PDE11A: variants seen among roughly 807,000 people sequenced by gnomAD.
PDE11A encodes the protein phosphodiesterase 11A, also known as dual 3',5'-cyclic-AMP and -GMP phosphodiesterase 11A.
PDE11A carries 100 observed loss-of-function variants against 100.5 expected under a neutral mutation model. The ratio of observed to expected loss-of-function variants is 1.00; its 90% CI spans 0.85 to 1.18. The LOEUF (loss-of-function observed/expected upper bound fraction) is 1.18, where lower values mean the gene tolerates loss of function less well. Ranked by LOEUF, PDE11A falls within the 50% of genes most tolerant of loss-of-function variation. The pLI is 0.00. For synonymous variants in PDE11A, 381 were observed against 420.8 expected, an observed-to-expected ratio of 0.91 and a Z score of 1.16; for missense variants, 1,141 against 1,152.6, an observed-to-expected ratio of 0.99 and a Z score of 0.15.
At chr2:177,950,407 A>G (rs748874053) in intron 2 of PDE11A, among the ~76,000 whole-genome samples, 11 of 152,090 alleles carry the variant, frequency 7.2e-5, no homozygotes, top group Non-Finnish European at 1.3e-4. Context: ...ATCTCTGTCT[A>G]TGCTTTAGTC....
chr2:177,663,813 C>G (rs1318848544), intron 19 of PDE11A, 53 bp downstream of exon 19: 1 of 1,017,012 alleles, frequency 9.8e-7, no homozygotes, highest in African/African-American at 1.6e-5. Flanking sequence ...GAAATACACA[C>G]TTTTCCTTTT....
In PDE11A at chr2:177,728,313, GCTGTAAATGTCTTTTGTTTCTGAA is replaced by G. The variant is rs1164599846; in HGVS notation, c.1789-165_1789-142del. 1.5e-5 allele frequency: 8 copies of G among 551,610 alleles called. No homozygotes were observed. In the African/African-American group the frequency reaches 1.6e-4, roughly 11 times the overall value. 34.2% of individuals were successfully genotyped at this position (551,610 alleles called of 1,614,324 possible). On this transcript the variant is annotated intron_variant, in intron 10 of 19. Transcript: ENST00000286063. ...ACACCCTGATACAGCTAAACTCTGA[GCTGTAAATGTCTTTTGTTTCTGAA>G]CTGCAAATGCCCCAAGCAAATGAAG...
chr2:177,666,879 A>AG (rs2080595474), intron 18 of PDE11A, among the ~76,000 whole-genome samples: 1 of 151,230 alleles, frequency 6.6e-6, no homozygotes, highest in South Asian at 2.1e-4. Context: ...TTGATCCATG[A>AG]AAGTTTTTAA....
chr2:177,765,253 C>A (rs1429959692), intron 10 of PDE11A, among the ~76,000 whole-genome samples: 1 of 152,036 alleles, frequency 6.6e-6, no homozygotes, highest in East Asian at 1.9e-4. Flanking sequence ...ACAGAAAGAC[C>A]AGATATGAGG....
At chr2:177,919,583 G>T (rs1194768371) in intron 2 of PDE11A, among the ~76,000 whole-genome samples, 1 of 151,806 alleles carries the variant, frequency 6.6e-6, no homozygotes, top group Admixed American at 6.6e-5. Flanking sequence ...ATTCTAAGAG[G>T]TCATTTGATA....
At chr2:177,829,949 G>A (rs1166052272) in intron 6 of PDE11A, among the ~76,000 whole-genome samples, 1 of 152,096 alleles carries the variant, frequency 6.6e-6, no homozygotes, top group African/African-American at 2.4e-5. Context: ...GATTATATAA[G>A]CCACTCCGGA....
chr2:178,080,471 T>G (rs1343956211), intron 2 of PDE11A, among the ~76,000 whole-genome samples: 3 of 152,194 alleles, frequency 2.0e-5, no homozygotes, highest in Admixed American at 6.5e-5. Flanking sequence ...TGCAGTCTTA[T>G]TTCTGAGTTC....
intron 2 of PDE11A, chr2:177,997,572 C>T: frequency 1.1e-6 from 1 of 884,636 alleles, no homozygotes; most frequent in Middle Eastern, 2.7e-4. Context: ...TTTCTGTTCT[C>T]ACCTGTTTCA....
At chr2:178,005,930 T>C (rs2086204694) in intron 2 of PDE11A, among the ~76,000 whole-genome samples, 1 of 152,184 alleles carries the variant, frequency 6.6e-6, no homozygotes, top group Non-Finnish European at 1.5e-5. Flanking sequence ...ATTTCCTTGG[T>C]AACTCTTAGA....
chr2:177,914,156 A>T (rs568567168), intron 2 of PDE11A, among the ~76,000 whole-genome samples: 48 of 152,250 alleles, frequency 3.2e-4, no homozygotes, highest in Non-Finnish European at 5.7e-4. Flanking sequence ...GGTTGTCTGT[A>T]TTTTAAAATA....
At position 178,053,743 on chromosome 2, in the gene PDE11A, G is replaced by T. The variant is rs182535124; in HGVS notation, c.912+17783C>A. ...ATAGATGAGCAGAGAGCCACATCAT[G>T]AGTGAACTCCCATTCACGATTGCTA... is the stretch of plus-strand genomic sequence containing the variant. On this transcript the variant is annotated intron_variant, in intron 1 of 19. Transcript: ENST00000286063. Among the ~76,000 whole-genome samples the T allele has an allele frequency of 7.9e-5, 12 of 152,292 alleles. No individual in the cohort carries two copies. In the East Asian group the frequency reaches 1.3e-3, roughly 17 times the overall value.
intron 15 of PDE11A, among the ~76,000 whole-genome samples, chr2:177,696,963 C>A (rs2081120436): frequency 6.6e-6 from 1 of 152,190 alleles, no homozygotes; most frequent in Non-Finnish European, 1.5e-5. Context: ...TTTTCCATCA[C>A]TGAATATTTT....
chr2:178,004,767 C>A (rs556875350), intron 2 of PDE11A, among the ~76,000 whole-genome samples: 2 of 135,850 alleles, frequency 1.5e-5, no homozygotes, highest in Admixed American at 7.1e-5. Flanking sequence ...GCTCTCCTTA[C>A]CCCCCAAACT....
chr2:177,684,469 G>C (rs1242979850), intron 15 of PDE11A, among the ~76,000 whole-genome samples: 2 of 152,098 alleles, frequency 1.3e-5, no homozygotes, highest in African/African-American at 4.8e-5. Context: ...ATAAAGACAA[G>C]ATCTGAACTT....
chr2:177,836,228 T>C (rs2083395025), intron 6 of PDE11A, among the ~76,000 whole-genome samples: 1 of 151,994 alleles, frequency 6.6e-6, no homozygotes, highest in South Asian at 2.1e-4. Context: ...GGTTTGTAAA[T>C]GCACCAATCA....
At chr2:177,758,954 C>T (rs11883778) in intron 10 of PDE11A, among the ~76,000 whole-genome samples, 1,646 of 152,334 alleles carry the variant, frequency 0.011, 35 homozygotes, top group African/African-American at 0.037. Context: ...ATTACTGTCT[C>T]TGGGGTTTTA....
chr2:177,702,586 A>G (rs1023349022), intron 13 of PDE11A: 8 of 152,162 alleles, frequency 5.3e-5, no homozygotes, highest in African/African-American at 1.7e-4. Flanking sequence ...CAAGGACTGC[A>G]TCTAAGTGCA....
Position 178,072,208 on chromosome 2 carries a change from C to A in PDE11A, c.230G>T (p.Gly77Val). Residue 77 changes from glycine (G) to valine (V), a missense_variant, in exon 1 of 20, where the codon GGA (glycine) becomes GTA (valine). Coordinates refer to ENST00000286063, the MANE Select transcript of PDE11A (RefSeq NM_016953.4). ...CTGGCTGTGGGCAGAGCCATTTGGT[C>A]CAGTGCCACCACCAACGCTGCTGCC... ...RGGSSVGGGT[G>V]PNGSAHSQPL... 6.2e-7 allele frequency: 1 copy of A among 1,613,804 alleles called. No individual in the cohort carries two copies. The highest frequency in any genetic ancestry group is 8.5e-7 in the Non-Finnish European group (1 of 1,179,842).
rs1426722812 is a variant in PDE11A, at chr2:177,842,988, C to T, written c.1368-2605G>A. On this transcript the variant is annotated intron_variant, in intron 5 of 19. Coordinates refer to ENST00000286063, the MANE Select transcript of PDE11A (RefSeq NM_016953.4). ...CATGAGATCACTCAGGGACAGAACA[C>T]GTAGGGAAATCTATATCTAGGGAAG... is the stretch of plus-strand genomic sequence containing the variant. Among the ~76,000 whole-genome samples the T allele has an allele frequency of 2.6e-5, 4 of 151,454 alleles. No individual in the cohort carries two copies. The East Asian group carries it at 5.8e-4, about 22-fold the overall frequency.
Sources: gnomAD v4.1 joint callset for allele counts (sites outside exome capture counted in the v4.1 genomes callset) on GRCh38, gnomAD v4.1.1 for gene constraint, MANE v1.5 for transcripts, NCBI Gene and HGNC (gene_info 2026-07-23, HGNC 2026-07-21) for gene names.